Variants in AP3M2 observed in about 807,000 individuals in gnomAD.
AP3M2 encodes the protein adaptor related protein complex 3 subunit mu 2, also known as AP-3 complex subunit mu-2.
AP3M2 carries 28 observed loss-of-function variants against 41.6 expected under a neutral mutation model. The observed-to-expected ratio is 0.67, with a 90% CI of 0.50 to 0.92. The LOEUF (loss-of-function observed/expected upper bound fraction) is 0.92. Ranked by LOEUF, AP3M2 falls within the 40% of genes least tolerant of loss-of-function variation. AP3M2 has a pLI of 0.00. For synonymous variants in AP3M2, 193 were observed against 186.4 expected, an observed-to-expected ratio of 1.04 and a Z score of -0.29; for missense variants, 427 against 521.4, an observed-to-expected ratio of 0.82 and a Z score of 1.76.
At chr8:42,167,002 T>C in intron 6 of AP3M2, 162 bp from the exon 7 acceptor site, 3 of 629,936 alleles carry the variant, frequency 4.8e-6, no homozygotes, top group Non-Finnish European at 8.3e-6. Context: ...AAGAAAAAAT[T>C]AGATTACTGG....
chr8:42,164,818 T>C (rs1283170573), intron 4 of AP3M2, among the ~76,000 whole-genome samples: 5 of 152,210 alleles, frequency 3.3e-5, no homozygotes, highest in Non-Finnish European at 5.9e-5. Flanking sequence ...TCATTAATCT[T>C]TTTATCACCG....
At position 42,167,347 on chromosome 8, in the gene AP3M2, A is replaced by AGT; in HGVS notation, c.987_988insGT (p.His330ValfsTer15). ...TGAGCCTTACTCCATCACAGGGGACACACACATTCGACCCAGTCACAAAGG... is the reference window on the plus strand; with the variant it reads ...TGAGCCTTACTCCATCACAGGGGACAGTCACACATTCGACCCAGTCACAAAGG... On this transcript the variant is annotated frameshift_variant, in exon 7 of 9. Transcript: ENST00000396926. LOFTEE classifies it high-confidence loss of function. The AGT allele has an allele frequency of 6.2e-7, 1 of 1,614,188 alleles. No homozygotes were observed. The highest frequency in any genetic ancestry group is 1.1e-5 in the South Asian group (1 of 91,086).
chr8:42,170,612 G>C lies in AP3M2; in HGVS notation c.*1551G>C, dbSNP rs1804773220. On this transcript the variant is annotated 3_prime_UTR_variant, in exon 9 of 9. Transcript: ENST00000396926. ...TAAATATTGTGCAAAGTTTTTGCTA[G>C]TTTTATCTTCTGACTTTGGGACTAG... 6.6e-6 allele frequency: 1 copy of C among 152,316 alleles called. No individual in the cohort carries two copies. 9.4% of individuals were successfully genotyped at this position (152,316 alleles called of 1,614,324 possible). A position where few individuals can be genotyped will look rare whatever the true frequency, so the allele number is the denominator to read the frequency against.
Position 42,169,037 on chromosome 8 carries a change from T to C in AP3M2, c.1233T>C (p.Ala411=). The change falls in exon 9 of 9, where the codon GCT becomes GCC. Residue 411 remains alanine, a synonymous_variant. Coordinates refer to ENST00000396926, the MANE Select transcript of AP3M2 (RefSeq NM_006803.4). The stretch of plus-strand genomic sequence containing the variant: ...AGGGCATAAAATACATGACCAAAGC[T>C]GGGAAGTTCCAAGTTCGAACCTGAA... ...PFKGIKYMTK[A]GKFQVRT is the part of the protein sequence containing the mutation. 1 of 1,611,546 alleles carries C rather than the reference T, an allele frequency of 6.2e-7. No homozygotes were observed.
intron 2 of AP3M2, among the ~76,000 whole-genome samples, chr8:42,157,208 GT>G (rs1564115941): frequency 6.6e-6 from 1 of 152,226 alleles, no homozygotes; most frequent in African/African-American, 2.4e-5. Flanking sequence ...GAGCGTTAGT[GT>G]TTAATTAGTC....
chr8:42,167,279 G>T lies in AP3M2; in HGVS notation c.919G>T (p.Gly307Ter), dbSNP rs760091596. ...PKQTMGKTIEGVTVTSQMPKG... is the reference protein window; with the variant it reads ...PKQTMGKTIE ...GCAGACGATGGGGAAGACCATTGAG[G>T]GAGTGACTGTCACCAGCCAGATGCC... The change falls in exon 7 of 9, where the codon GGA becomes TGA. Residue 307 changes from glycine (G) to a stop codon, truncating the protein, a stop_gained. Transcript: ENST00000396926. LOFTEE classifies it high-confidence loss of function. The T allele has an allele frequency of 1.9e-6, 3 of 1,614,104 alleles. No individual in the cohort carries two copies. The East Asian group carries it at 6.7e-5, about 36-fold the overall frequency.
rs954768458 is a variant in AP3M2 at position 42,161,551 on chromosome 8, G to T, written c.446-730G>T. On this transcript the variant is annotated intron_variant, in intron 3 of 8. Transcript: ENST00000396926. ...TTGAACCCGGAAGGCAGAGGTTGCA[G>T]TAAGCCAAGACTGCACCACTGTACT... Among the ~76,000 whole-genome samples, 5 of 152,306 alleles carry T rather than the reference G, an allele frequency of 3.3e-5. No individual in the cohort carries two copies. The East Asian group carries it at 7.7e-4, about 23-fold the overall frequency.
Position 42,170,591 on chromosome 8 carries a change from T to TA in AP3M2, c.*1531dup, listed in dbSNP as rs1804772757. 6.6e-6 allele frequency: 1 copy of TA among 152,270 alleles called. No individual in the cohort carries two copies. Among genetic ancestry groups the TA allele is most frequent in the African/African-American group, 2.4e-5 (1 of 41,468 alleles). 9.4% of individuals were successfully genotyped at this position (152,270 alleles called of 1,614,324 possible). A position where few individuals can be genotyped will look rare whatever the true frequency, so the allele number is the denominator to read the frequency against. On this transcript the variant is annotated 3_prime_UTR_variant, in exon 9 of 9. Transcript: ENST00000396926. ...CCACACCCTAGAGCTTTTCTCTAAATATTGTGCAAAGTTTTTGCTAGTTTT... is the reference window on the plus strand; with the variant it reads ...CCACACCCTAGAGCTTTTCTCTAAATAATTGTGCAAAGTTTTTGCTAGTTTT...
intron 2 of AP3M2, chr8:42,155,907 C>A: frequency 4.5e-6 from 2 of 448,090 alleles, no homozygotes; most frequent in Non-Finnish European, 9.0e-6. Flanking sequence ...ATATCTGCAC[C>A]ACGTCTAGAA....
intron 1 of AP3M2, chr8:42,153,841 C>T (rs937663443): frequency 6.6e-6 from 1 of 152,044 alleles, no homozygotes; most frequent in Non-Finnish European, 1.5e-5. Context: ...AAGGAGTGCT[C>T]AGAGAATAGC....
intron 8 of AP3M2, among the ~76,000 whole-genome samples, chr8:42,168,574 A>G (rs1405504498): frequency 6.6e-6 from 1 of 152,224 alleles, no homozygotes; most frequent in Non-Finnish European, 1.5e-5. Context: ...GGAAGCATTC[A>G]TTTATTAATT....
At chr8:42,157,066 C>T (rs1163922675) in intron 2 of AP3M2, among the ~76,000 whole-genome samples, 1 of 152,110 alleles carries the variant, frequency 6.6e-6, no homozygotes, top group Non-Finnish European at 1.5e-5. Context: ...GTTGCATGAC[C>T]CTCTCAGAGG....
chr8:42,160,084 C>T (rs1293600761), intron 3 of AP3M2, among the ~76,000 whole-genome samples: 9 of 152,288 alleles, frequency 5.9e-5, no homozygotes, highest in African/African-American at 1.9e-4. Flanking sequence ...GAATGCTCTA[C>T]AATCCAAAAC....
In AP3M2 at chr8:42,154,635, C is replaced by T; in HGVS notation, c.-53C>T. On this transcript the variant is annotated 5_prime_UTR_variant, in exon 2 of 9. Coordinates refer to ENST00000396926, the MANE Select transcript of AP3M2 (RefSeq NM_006803.4). ...TTTTAGAGTTGAAAACTTACAGAGTCCTGAGGCTTTCAGACTGAAAAAGGC... is the reference window on the plus strand; with the variant it reads ...TTTTAGAGTTGAAAACTTACAGAGTTCTGAGGCTTTCAGACTGAAAAAGGC... 6.3e-7 allele frequency: 1 copy of T among 1,597,054 alleles called. No homozygotes were observed. The highest frequency in any genetic ancestry group is 8.5e-7 in the Non-Finnish European group (1 of 1,173,370).
chr8:42,165,957 C>T lies in AP3M2; in HGVS notation c.803+397C>T, dbSNP rs538702466. Among the ~76,000 whole-genome samples, 5 of 152,260 alleles carry T rather than the reference C, an allele frequency of 3.3e-5. No individual in the cohort carries two copies. In the South Asian group the frequency reaches 8.3e-4, roughly 25 times the overall value. On this transcript the variant is annotated intron_variant, in intron 6 of 8. Transcript: ENST00000396926. The stretch of plus-strand genomic sequence containing the variant: ...AGTTATGCTATGAAAAAGCATAAAA[C>T]GCAGTGATTTTTGGTCTTGAACATT...
chr8:42,167,207 C>T lies in AP3M2; in HGVS notation c.847C>T (p.Arg283Trp), dbSNP rs769931256. 1.4e-5 allele frequency: 23 copies of T among 1,614,040 alleles called. No individual in the cohort carries two copies. Among genetic ancestry groups the T allele is most frequent in the Middle Eastern group, 1.6e-4 (1 of 6,062 alleles). Residue 283 changes from arginine (R) to tryptophan (W), a missense_variant, in exon 7 of 9, where the codon CGG becomes TGG. Physicochemically the swap from Arg to Trp is moderately radical, Grantham distance 101. Coordinates refer to ENST00000396926, the MANE Select transcript of AP3M2 (RefSeq NM_006803.4). ...GTATGTCAAACATAACATCAGTTTC[C>T]GGGACAGTAGTTCCCTTGGACGCTT... ...PVYVKHNISFRDSSSLGRFEI... is the reference protein window; with the variant it reads ...PVYVKHNISFWDSSSLGRFEI...
chr8:42,158,280 C>T (rs1421041470), intron 3 of AP3M2, among the ~76,000 whole-genome samples, 168 bp downstream of exon 3: 5 of 149,682 alleles, frequency 3.3e-5, no homozygotes. Context: ...ACAGAGTCTC[C>T]CTCTGTCACC....
intron 4 of AP3M2, among the ~76,000 whole-genome samples, chr8:42,164,809 C>T (rs539889194): frequency 9.2e-5 from 14 of 152,322 alleles, no homozygotes; most frequent in African/African-American, 3.4e-4. Context: ...ATAACTACTT[C>T]ATTAATCTTT....
In AP3M2 at chr8:42,167,264, G is replaced by C; in HGVS notation, c.904G>C (p.Gly302Arg). 6.2e-7 allele frequency: 1 copy of C among 1,614,114 alleles called. No homozygotes were observed. The highest frequency in any genetic ancestry group is 8.5e-7 in the Non-Finnish European group (1 of 1,180,022). ...EITVGPKQTM[G>R]KTIEGVTVTS... Reference sequence around the variant, plus strand: ...AACGGTGGGACCCAAGCAGACGATGGGGAAGACCATTGAGGGAGTGACTGT... The same window carrying C: ...AACGGTGGGACCCAAGCAGACGATGCGGAAGACCATTGAGGGAGTGACTGT... The change falls in exon 7 of 9, where the codon GGG (glycine) becomes CGG (arginine). Residue 302 changes from glycine (G) to arginine (R), a missense_variant. Gly to Arg is a moderately radical substitution (Grantham distance 125). Around this residue, in one of 3 missense-constraint regions of AP3M2, gnomAD observed 237 missense variants for 284.9 expected, o/e 0.83. Transcript: ENST00000396926.
Sources: gnomAD v4.1 joint callset for allele counts (sites outside exome capture counted in the v4.1 genomes callset) on GRCh38, gnomAD v4.1.1 for gene constraint, gnomAD v4.1.1 regional missense constraint, MANE v1.5 for transcripts, NCBI Gene and HGNC (gene_info 2026-07-23, HGNC 2026-07-21) for gene names.